Variants in PGS1 observed in about 807,000 individuals in gnomAD.
PGS1 encodes the protein CDP-diacylglycerol--glycerol-3-phosphate 3-phosphatidyltransferase, mitochondrial.
PGS1 carries 44 observed loss-of-function variants against 58.3 expected under a neutral mutation model. That is an observed-to-expected ratio of 0.75 (90% confidence interval 0.59 to 0.97). The LOEUF is 0.97. Ranked by LOEUF, PGS1 falls within the 50% of genes least tolerant of loss-of-function variation. The pLI is 0.00. For missense variants in PGS1, 684 were observed against 731.1 expected, an observed-to-expected ratio of 0.94 and a Z score of 0.74; for synonymous variants, 330 against 311.0, an observed-to-expected ratio of 1.06 and a Z score of -0.64.
At chr17:78,420,954 TATCATCAA>T (rs1200104135) in intron 9 of PGS1, 1 of 152,226 alleles carries the variant, frequency 6.6e-6, no homozygotes, top group African/African-American at 2.4e-5. Flanking sequence ...AATGTCTTAG[TATCATCAA>T]ATACCTAAAT....
chr17:78,420,306 G>A lies in PGS1; in HGVS notation c.*10+631G>A. On this transcript the variant is annotated intron_variant, in intron 9 of 9. Transcript: ENST00000262764. The stretch of plus-strand genomic sequence containing the variant: ...CCGCTTCACCAGAGGCACCAGTGGG[G>A]TCCCACAGTCACCTGAGGTACCCCT... 4 of 834,312 alleles carry A rather than the reference G, an allele frequency of 4.8e-6. No homozygotes were observed. In the Admixed American group the frequency reaches 1.8e-4, roughly 38 times the overall value. 51.7% of individuals were successfully genotyped at this position (834,312 alleles called of 1,614,324 possible). A position where few individuals can be genotyped will look rare whatever the true frequency, so the allele number is the denominator to read the frequency against.
chr17:78,417,108 C>T (rs1357197334), intron 8 of PGS1, among the ~76,000 whole-genome samples: 1 of 152,234 alleles, frequency 6.6e-6, no homozygotes, highest in African/African-American at 2.4e-5. Context: ...TCAGGGAACA[C>T]AGTTTACCAC....
chr17:78,380,270 A>G (rs78913452), intron 1 of PGS1, among the ~76,000 whole-genome samples: 8,295 of 152,142 alleles, frequency 0.055, 712 homozygotes, highest in African/African-American at 0.19. Flanking sequence ...TTCTATCTGT[A>G]CGTGTACTCC....
At chr17:78,395,638 G>A (rs1430572316) in intron 2 of PGS1, among the ~76,000 whole-genome samples, 1 of 152,170 alleles carries the variant, frequency 6.6e-6, no homozygotes, top group Non-Finnish European at 1.5e-5. Flanking sequence ...ATCATCTTGG[G>A]GCACTGATGT....
chr17:78,412,974 G>C (rs539568215), intron 7 of PGS1, among the ~76,000 whole-genome samples: 7 of 152,306 alleles, frequency 4.6e-5, no homozygotes, highest in Non-Finnish European at 1.0e-4. Context: ...CTCTGTGTAC[G>C]AGGGGCCATG....
intron 1 of PGS1, among the ~76,000 whole-genome samples, chr17:78,386,066 C>G: frequency 6.6e-6 from 1 of 152,300 alleles, no homozygotes; most frequent in East Asian, 1.9e-4. Flanking sequence ...CCAGCCCATT[C>G]CTCAGTTCAG....
chr17:78,396,507 T>A, intron 3 of PGS1, 122 bp downstream of exon 3: 1 of 712,262 alleles, frequency 1.4e-6, no homozygotes, highest in Non-Finnish European at 2.4e-6. Context: ...CAGAGCCAGC[T>A]CTTGTTTTTG....
At chr17:78,389,284 C>T (rs540810809) in intron 1 of PGS1, among the ~76,000 whole-genome samples, 18 of 150,758 alleles carry the variant, frequency 1.2e-4, no homozygotes, top group Admixed American at 7.9e-4. Flanking sequence ...CCTCCCAGTT[C>T]GAGTGATTCT....
At chr17:78,392,324 C>G (rs2082891975) in intron 1 of PGS1, 152 bp from the exon 2 acceptor site, 1 of 554,108 alleles carries the variant, frequency 1.8e-6, no homozygotes, top group African/African-American at 1.9e-5. Context: ...GTTGGGCTCA[C>G]TTTTTAAAAT....
Position 78,392,462 on chromosome 17 carries a change from A to C in PGS1, c.144-14A>C, listed in dbSNP as rs764827403. On this transcript the variant is annotated splice_polypyrimidine_tract_variant and intron_variant, in intron 1 of 9. Transcript: ENST00000262764. ...TATTTGAGGTGTGACCCAGTTGCATATTTCTTTAACCAGGTCACCATGGCT... is the reference window on the plus strand; with the variant it reads ...TATTTGAGGTGTGACCCAGTTGCATCTTTCTTTAACCAGGTCACCATGGCT... 6.3e-7 allele frequency: 1 copy of C among 1,594,216 alleles called. No individual in the cohort carries two copies. The highest frequency in any genetic ancestry group is 8.6e-7 in the Non-Finnish European group (1 of 1,169,412).
intron 2 of PGS1, among the ~76,000 whole-genome samples, chr17:78,395,626 G>GT: frequency 6.6e-6 from 1 of 152,306 alleles, no homozygotes; most frequent in South Asian, 2.1e-4. Flanking sequence ...CTGATTTGGG[G>GT]TATCATCTTG....
At chr17:78,414,175 C>G (rs1221709478) in intron 7 of PGS1, among the ~76,000 whole-genome samples, 1 of 152,200 alleles carries the variant, frequency 6.6e-6, no homozygotes, top group Admixed American at 6.5e-5. Context: ...GAGGCTGGGT[C>G]AGGGAGACTC....
intron 2 of PGS1, among the ~76,000 whole-genome samples, chr17:78,395,000 A>G (rs910994934): frequency 1.3e-5 from 2 of 152,212 alleles, no homozygotes; most frequent in East Asian, 1.9e-4. Flanking sequence ...GAAGGGGCAG[A>G]GAGGCTTGCC....
intron 3 of PGS1, among the ~76,000 whole-genome samples, chr17:78,397,699 T>C (rs1178425294): frequency 6.6e-6 from 1 of 152,132 alleles, no homozygotes; most frequent in Admixed American, 6.5e-5. Context: ...CCTCCCAAAG[T>C]GCTGGGATTA....
At chr17:78,390,477 G>A (rs1389036627) in intron 1 of PGS1, among the ~76,000 whole-genome samples, 1 of 152,200 alleles carries the variant, frequency 6.6e-6, no homozygotes, top group African/African-American at 2.4e-5. Context: ...TCTGGGAAGT[G>A]CAGCTGTGGG....
chr17:78,389,658 G>T (rs1315648159), intron 1 of PGS1, among the ~76,000 whole-genome samples: 1 of 150,986 alleles, frequency 6.6e-6, no homozygotes. Flanking sequence ...CTGTCACTCA[G>T]GCTGGCATGC....
intron 3 of PGS1, among the ~76,000 whole-genome samples, chr17:78,396,938 C>T (rs2083269478): frequency 6.6e-6 from 1 of 152,190 alleles, no homozygotes; most frequent in South Asian, 2.1e-4. Flanking sequence ...CGTAAAGCTC[C>T]AAATATTTAC....
At chr17:78,389,845 A>G (rs1037084294) in intron 1 of PGS1, among the ~76,000 whole-genome samples, 1 of 150,866 alleles carries the variant, frequency 6.6e-6, no homozygotes, top group East Asian at 2.0e-4. Flanking sequence ...TGAACTCCTG[A>G]CCTCAAGTTT....
At chr17:78,382,449 A>G (rs1482803891) in intron 1 of PGS1, among the ~76,000 whole-genome samples, 1 of 152,028 alleles carries the variant, frequency 6.6e-6, no homozygotes, top group Non-Finnish European at 1.5e-5. Context: ...TTTCACGAAA[A>G]CGGAGTAAAG....
Sources: allele counts gnomAD v4.1 joint callset (sites outside exome capture counted in the v4.1 genomes callset), GRCh38; gene constraint gnomAD v4.1.1; transcripts MANE v1.5; gene names NCBI Gene and HGNC (gene_info 2026-07-23, HGNC 2026-07-21).